PTPRN2: variants seen among roughly 807,000 people sequenced by gnomAD.
The protein encoded by PTPRN2 is protein tyrosine phosphatase receptor type N2, also known as receptor-type tyrosine-protein phosphatase N2.
PTPRN2 carries 74 observed loss-of-function variants against 118.8 expected under a neutral mutation model. The observed-to-expected ratio is 0.62, with a 90% CI of 0.52 to 0.76. PTPRN2 has a LOEUF of 0.76. Ranked by LOEUF, PTPRN2 falls within the 30% of genes least tolerant of loss-of-function variation. The probability of loss-of-function intolerance (pLI) is 0.00; values close to 1 mark genes in which losing one functional copy is unlikely to be tolerated. For synonymous variants in PTPRN2, 641 were observed against 608.0 expected (o/e 1.05, Z -0.80); for missense variants, 1,481 against 1,394.4 (o/e 1.06, Z -0.99).
chr7:157,871,364 C>G (rs1811035617), intron 12 of PTPRN2, among the ~76,000 whole-genome samples: 1 of 152,176 alleles, frequency 6.6e-6, no homozygotes, highest in African/African-American at 2.4e-5. Context: ...CATATGAGAA[C>G]TGTGGGCCTG....
At chr7:158,063,773 G>A (rs952473755) in intron 11 of PTPRN2, among the ~76,000 whole-genome samples, 16 of 152,204 alleles carry the variant, frequency 1.1e-4, no homozygotes, top group South Asian at 2.1e-4. Context: ...GCAAGGGTCC[G>A]TGGCTTTATT....
intron 21 of PTPRN2, among the ~76,000 whole-genome samples, chr7:157,558,600 A>C (rs749752254): frequency 2.4e-4 from 37 of 152,348 alleles, no homozygotes; most frequent in Non-Finnish European, 5.3e-4. Flanking sequence ...ACACGCACAC[A>C]CCACTTGCAC....
At chr7:157,755,683 A>C (rs1212187799) in intron 12 of PTPRN2, among the ~76,000 whole-genome samples, 1 of 152,118 alleles carries the variant, frequency 6.6e-6, no homozygotes, top group East Asian at 1.9e-4. Context: ...CTGGGTACCC[A>C]TGGACACAAA....
At chr7:158,311,940 G>T (rs937228954) in intron 3 of PTPRN2, among the ~76,000 whole-genome samples, 1 of 145,750 alleles carries the variant, frequency 6.9e-6, no homozygotes. Flanking sequence ...CTCACGTGTA[G>T]ACACCCACAT....
At chr7:158,174,716 TAGAA>T (rs1479363491) in intron 5 of PTPRN2, among the ~76,000 whole-genome samples, 10 of 152,178 alleles carry the variant, frequency 6.6e-5, no homozygotes, top group Non-Finnish European at 1.2e-4. Context: ...AGAATGCTAT[TAGAA>T]AGGGTCAGAA....
At chr7:158,070,969 C>CGGTGGAGGTGCCCATGGT (rs1563388719) in intron 11 of PTPRN2, among the ~76,000 whole-genome samples, 4 of 16,634 alleles carry the variant, frequency 2.4e-4, no homozygotes, top group Admixed American at 1.3e-3. Flanking sequence ...GAGGTGCTCA[C>CGGTGGAGGTGCCCATGGT]GGTGGAGGTG....
At chr7:157,901,438 A>C (rs1006766413) in intron 11 of PTPRN2, among the ~76,000 whole-genome samples, 2 of 152,188 alleles carry the variant, frequency 1.3e-5, no homozygotes, top group African/African-American at 4.8e-5. Context: ...AGTTCCCACC[A>C]TGCAGACGTG....
intron 2 of PTPRN2, among the ~76,000 whole-genome samples, chr7:158,489,183 C>T (rs377517758): frequency 2.3e-4 from 35 of 152,368 alleles, no homozygotes; most frequent in African/African-American, 7.0e-4. Context: ...CGGTGACTCA[C>T]GCCTGTAATC....
chr7:158,435,836 C>T (rs1277009597), intron 2 of PTPRN2, among the ~76,000 whole-genome samples: 3 of 152,182 alleles, frequency 2.0e-5, no homozygotes, highest in East Asian at 1.9e-4. Flanking sequence ...AAAGATAACA[C>T]TGATGATTTC....
In PTPRN2 at chr7:158,244,878, CT is replaced by C. The variant is rs573479890; in HGVS notation, c.278-39606del. 3.0e-3 allele frequency among the ~76,000 whole-genome samples: 455 copies of C among 152,116 alleles called. 2 individuals are homozygous for C. The highest frequency in any genetic ancestry group is 0.011 in the African/African-American group (437 of 41,486). On this transcript the variant is annotated intron_variant, in intron 3 of 22. Coordinates refer to ENST00000389418, the MANE Select transcript of PTPRN2 (RefSeq NM_002847.5). Reference sequence around the variant, plus strand: ...GGCGTGTGTTATATAAAATATTAAACTTTTTCTCTGAGCTCAGTGTCTCCCA... The same window carrying C: ...GGCGTGTGTTATATAAAATATTAAACTTTTCTCTGAGCTCAGTGTCTCCCA...
chr7:158,490,458 C>A (rs777350941), intron 1 of PTPRN2, among the ~76,000 whole-genome samples: 1 of 152,228 alleles, frequency 6.6e-6, no homozygotes, highest in East Asian at 1.9e-4. Flanking sequence ...CCTGGGTGGC[C>A]AGGCGACCCC....
intron 11 of PTPRN2, among the ~76,000 whole-genome samples, chr7:158,047,502 T>C (rs1808968905): frequency 6.6e-6 from 1 of 152,012 alleles, no homozygotes; most frequent in African/African-American, 2.4e-5. Flanking sequence ...CTGCAGTCAC[T>C]GAGCATGTGA....
At chr7:158,505,352 T>C (rs898873849) in intron 1 of PTPRN2, among the ~76,000 whole-genome samples, 2 of 152,068 alleles carry the variant, frequency 1.3e-5, no homozygotes, top group African/African-American at 2.4e-5. Flanking sequence ...AAGCTTTTCG[T>C]TCCATGTGCA....
intron 12 of PTPRN2, among the ~76,000 whole-genome samples, chr7:157,841,891 C>T (rs1808449576): frequency 8.5e-6 from 1 of 117,812 alleles, no homozygotes; most frequent in Admixed American, 9.1e-5. Flanking sequence ...GCCCACAGGA[C>T]AGCATACAGT....
intron 3 of PTPRN2, among the ~76,000 whole-genome samples, chr7:158,263,284 A>T (rs543005974): frequency 1.1e-4 from 16 of 150,046 alleles, no homozygotes; most frequent in Non-Finnish European, 2.1e-4. Flanking sequence ...TGTTGCACTC[A>T]CAGTCACATG....
rs1466511999 is a variant in PTPRN2, at chr7:157,763,874, G to A, written c.1789-80937C>T. 1.3e-5 allele frequency among the ~76,000 whole-genome samples: 2 copies of A among 152,012 alleles called. No homozygotes were observed. Among genetic ancestry groups the A allele is most frequent in the African/African-American group, 2.4e-5 (1 of 41,382 alleles). The stretch of plus-strand genomic sequence containing the variant: ...GCTGCCCCATCCCCCAGAGCACCAC[G>A]GTGCCCACCTTTTGTTTTCAGAGAA... On this transcript the variant is annotated intron_variant, in intron 12 of 22. Coordinates refer to ENST00000389418, the MANE Select transcript of PTPRN2 (RefSeq NM_002847.5). The surrounding 1 kb of genome is among the most constrained non-coding windows in gnomAD (Gnocchi z 4.9).
At chr7:157,595,097 G>A in intron 17 of PTPRN2, 141 bp downstream of exon 17, 1 of 773,332 alleles carries the variant, frequency 1.3e-6, no homozygotes. Flanking sequence ...AATATGAACA[G>A]ACTGAAATTC....
At chr7:157,725,100 G>C (rs1269326109) in intron 12 of PTPRN2, among the ~76,000 whole-genome samples, 1 of 151,974 alleles carries the variant, frequency 6.6e-6, no homozygotes, top group Non-Finnish European at 1.5e-5. Context: ...GTGGGGGAAA[G>C]GACGGTTTCC....
At chr7:157,924,557 G>A (rs888183563) in intron 11 of PTPRN2, among the ~76,000 whole-genome samples, 1 of 152,184 alleles carries the variant, frequency 6.6e-6, no homozygotes, top group Non-Finnish European at 1.5e-5. Context: ...CCTCTGCCAG[G>A]GATAGCAATT....
Sources: gnomAD v4.1 joint callset for allele counts (sites outside exome capture counted in the v4.1 genomes callset) on GRCh38, gnomAD v4.1.1 for gene constraint, Gnocchi (gnomAD v3.1) non-coding constraint, MANE v1.5 for transcripts, NCBI Gene and HGNC (gene_info 2026-07-23, HGNC 2026-07-21) for gene names.